Variants in IFTAP observed in about 807,000 individuals in gnomAD.
The protein encoded by IFTAP is intraflagellar transport-associated protein.
A neutral mutation model predicts 19.4 loss-of-function variants in IFTAP; 19 were observed. The observed-to-expected ratio is 0.98, with a 90% CI of 0.68 to 1.44. The LOEUF (loss-of-function observed/expected upper bound fraction) is 1.44, where lower values mean the gene tolerates loss of function less well. Among genes scored for constraint, IFTAP ranks in the 40% most tolerant of loss-of-function variants. IFTAP has a pLI of 0.00. For synonymous variants in IFTAP, 85 were observed against 83.5 expected, an observed-to-expected ratio of 1.02 and a Z score of -0.10; for missense variants, 240 against 253.6, an observed-to-expected ratio of 0.95 and a Z score of 0.36.
chr11:36,629,338 C>T (rs571653390), intron 2 of IFTAP, among the ~76,000 whole-genome samples: 62 of 151,380 alleles, frequency 4.1e-4, no homozygotes, highest in Non-Finnish European at 6.3e-4. Context: ...AGAATTGTCC[C>T]CCTATGAATT....
At chr11:36,605,528 T>C (rs1851664399) in intron 1 of IFTAP, among the ~76,000 whole-genome samples, 1 of 152,212 alleles carries the variant, frequency 6.6e-6, no homozygotes. Flanking sequence ...AGAGAGCACA[T>C]AACATTAACT....
chr11:36,611,015 G>T (rs1321684389), intron 2 of IFTAP, among the ~76,000 whole-genome samples: 1 of 151,736 alleles, frequency 6.6e-6, no homozygotes, highest in East Asian at 1.9e-4. Context: ...TGTTTTTTTT[G>T]GGGGGATCCA....
chr11:36,654,007 A>G (rs1853857890), intron 5 of IFTAP, among the ~76,000 whole-genome samples: 1 of 152,180 alleles, frequency 6.6e-6, no homozygotes, highest in Non-Finnish European at 1.5e-5. Flanking sequence ...CCTTAACAAA[A>G]TGAAACAAAA....
At chr11:36,642,620 C>G (rs1853271884) in intron 4 of IFTAP, among the ~76,000 whole-genome samples, 1 of 152,120 alleles carries the variant, frequency 6.6e-6, no homozygotes. Context: ...AAAATACTAG[C>G]AAACCAAATC....
intron 5 of IFTAP, among the ~76,000 whole-genome samples, chr11:36,657,218 C>G (rs966127634): frequency 2.9e-4 from 44 of 152,120 alleles, no homozygotes; most frequent in African/African-American, 1.0e-3. Context: ...GCCTGCAGGC[C>G]TCAGTACTTA....
At chr11:36,644,026 C>T (rs1853352265) in intron 4 of IFTAP, among the ~76,000 whole-genome samples, 1 of 152,124 alleles carries the variant, frequency 6.6e-6, no homozygotes, top group South Asian at 2.1e-4. Context: ...AGAGCGTCTG[C>T]ACAGCAAAAG....
At chr11:36,648,212 C>T in intron 5 of IFTAP, 57 bp downstream of exon 5, 1 of 1,564,986 alleles carries the variant, frequency 6.4e-7, no homozygotes, top group South Asian at 1.2e-5. Context: ...TAATTCATCC[C>T]TTCAAAGAAA....
chr11:36,608,850 A>G (rs1356450315), intron 1 of IFTAP, among the ~76,000 whole-genome samples: 1 of 152,186 alleles, frequency 6.6e-6, no homozygotes, highest in East Asian at 1.9e-4. Context: ...GGATTTAAGG[A>G]CTTGAAACCA....
Position 36,647,996 on chromosome 11 carries a change from A to G in IFTAP, c.359-20A>G, listed in dbSNP as rs758075477. 4.4e-6 allele frequency: 7 copies of G among 1,607,386 alleles called. No homozygotes were observed. In the South Asian group the frequency reaches 7.8e-5, roughly 18 times the overall value. On this transcript the variant is annotated intron_variant, in intron 4 of 5. Transcript: ENST00000334307. ...GTGAACTTTGCGAAAGGCTCAGTTGAAATGTTTTGTATCCAACAGATTTGC... is the reference window on the plus strand; with the variant it reads ...GTGAACTTTGCGAAAGGCTCAGTTGGAATGTTTTGTATCCAACAGATTTGC...
intron 1 of IFTAP, among the ~76,000 whole-genome samples, chr11:36,609,335 C>A (rs540139322): frequency 9.9e-5 from 15 of 152,280 alleles, no homozygotes; most frequent in Admixed American, 3.3e-4. Flanking sequence ...ATAAGAAAGA[C>A]AGAAATTTTT....
chr11:36,633,233 C>A, intron 2 of IFTAP, 51 bp from the exon 3 acceptor site: 5 of 1,367,060 alleles, frequency 3.7e-6, no homozygotes, highest in African/African-American at 3.5e-5. Flanking sequence ...CAAAATAAAC[C>A]AGACTTGGTA....
At position 36,606,003 on chromosome 11, in the gene IFTAP, T is replaced by C. The variant is rs187595002; in HGVS notation, c.-23-4078T>C. Among the ~76,000 whole-genome samples the C allele has an allele frequency of 2.4e-3, 368 of 152,328 alleles. 1 individual carries two copies. Among genetic ancestry groups the C allele is most frequent in the African/African-American group, 8.2e-3 (341 of 41,564 alleles). On this transcript the variant is annotated intron_variant, in intron 1 of 5. Transcript: ENST00000334307. Reference sequence around the variant, plus strand: ...ACCCACTAGGATTTGCATAAACCACTTGGCTGTCTGATAAGTCATTATCTG... The same window carrying C: ...ACCCACTAGGATTTGCATAAACCACCTGGCTGTCTGATAAGTCATTATCTG...
Position 36,636,117 on chromosome 11 carries a change from G to A in IFTAP, c.358G>A (p.Asp120Asn), listed in dbSNP as rs1376028148. Residue 120 changes from aspartate (D) to asparagine (N), a missense_variant and splice_region_variant, in exon 4 of 6, where the codon GAT becomes AAT. By Grantham distance (23) the Asp-to-Asn change is conservative. Transcript: ENST00000334307. ...DEEIKPQMSE[D>N]LLLLPGEVEQ... Reference sequence around the variant, plus strand: ...AGAGATTAAACCCCAAATGAGTGAGGGTATGCTTTCTATTTCCTTTCTATA... The same window carrying A: ...AGAGATTAAACCCCAAATGAGTGAGAGTATGCTTTCTATTTCCTTTCTATA... 6.2e-6 allele frequency: 10 copies of A among 1,605,126 alleles called. No homozygotes were observed. The highest frequency in any genetic ancestry group is 7.7e-6 in the Non-Finnish European group (9 of 1,172,372).
intron 4 of IFTAP, among the ~76,000 whole-genome samples, chr11:36,643,650 A>G (rs570899366): frequency 8.5e-5 from 13 of 152,326 alleles, no homozygotes; most frequent in Non-Finnish European, 1.8e-4. Flanking sequence ...CAAAACAGAG[A>G]TATAGACCAA....
intron 4 of IFTAP, among the ~76,000 whole-genome samples, chr11:36,637,879 G>A (rs1427984750): frequency 6.9e-6 from 1 of 145,148 alleles, no homozygotes; most frequent in Non-Finnish European, 1.5e-5. Flanking sequence ...TTTTTGTTAT[G>A]TCAATCTTTT....
intron 5 of IFTAP, among the ~76,000 whole-genome samples, chr11:36,654,833 C>T (rs1267898989): frequency 3.3e-5 from 5 of 152,184 alleles, no homozygotes; most frequent in Admixed American, 1.3e-4. Context: ...CTACCAGTCC[C>T]CTGTTCTCAT....
intron 2 of IFTAP, among the ~76,000 whole-genome samples, chr11:36,612,412 C>T (rs527885456): frequency 1.3e-5 from 2 of 151,772 alleles, no homozygotes; most frequent in East Asian, 3.9e-4. Context: ...TCCTTTTTTC[C>T]CTTTAAACAT....
At chr11:36,630,715 A>G (rs2133445421) in intron 2 of IFTAP, among the ~76,000 whole-genome samples, 1 of 151,448 alleles carries the variant, frequency 6.6e-6, no homozygotes. Context: ...TATTTAAGTC[A>G]ATAGATTATT....
At chr11:36,616,038 A>G (rs1232656063) in intron 2 of IFTAP, among the ~76,000 whole-genome samples, 2 of 151,960 alleles carry the variant, frequency 1.3e-5, no homozygotes, top group Admixed American at 1.3e-4. Flanking sequence ...TCACACAGAG[A>G]TTGTATAATT....
Sources: allele counts gnomAD v4.1 joint callset (sites outside exome capture counted in the v4.1 genomes callset), GRCh38; gene constraint gnomAD v4.1.1; transcripts MANE v1.5; gene names NCBI Gene and HGNC (gene_info 2026-07-23, HGNC 2026-07-21).